The following HTR3A variants were observed in gnomAD, a reference collection of about 807,000 sequenced individuals.
HTR3A encodes the protein 5-hydroxytryptamine (serotonin) receptor 3A, ionotropic.
Under a neutral mutation model 54.8 loss-of-function variants are expected in HTR3A, and 45 were observed. That is an observed-to-expected ratio of 0.82 (90% CI 0.65 to 1.05). The LOEUF (loss-of-function observed/expected upper bound fraction) is 1.05. Ranked by LOEUF, HTR3A falls within the 50% of genes least tolerant of loss-of-function variation. The pLI, the probability that HTR3A is intolerant of heterozygous loss-of-function variation, is 0.00. For missense variants in HTR3A, 657 were observed against 614.0 expected (o/e 1.07, Z -0.74); for synonymous variants, 297 against 256.0 (o/e 1.16, Z -1.53).
intron 5 of HTR3A, 116 bp from the exon 6 acceptor site, chr11:113,985,899 T>A: frequency 9.5e-7 from 1 of 1,053,330 alleles, no homozygotes; most frequent in Non-Finnish European, 1.5e-6. Context: ...GAGGTTGAGG[T>A]TGGGCCATCG....
intron 5 of HTR3A, 45 bp from the exon 6 acceptor site, chr11:113,985,970 T>C (rs753017133): frequency 6.2e-7 from 1 of 1,611,226 alleles, no homozygotes; most frequent in Non-Finnish European, 8.5e-7. Context: ...TCCAGCAGGC[T>C]CTGGGTACTA....
rs1469950775 is a variant in HTR3A at position 113,975,341 on chromosome 11, C to T, written c.16C>T (p.Gln6Ter). The T allele has an allele frequency of 1.9e-6, 3 of 1,613,514 alleles. No individual in the cohort carries two copies. The highest frequency in any genetic ancestry group is 1.3e-5 in the African/African-American group (1 of 75,060). The change falls in exon 1 of 9, where the codon CAG becomes TAG. Residue 6 changes from glutamine to a stop codon, truncating the protein, a stop_gained. Transcript: ENST00000504030. LOFTEE classifies it high-confidence loss of function. MLLWV[Q>*]QALLALLLPT... ...AAAGCTCGCTATGCTGCTGTGGGTC[C>T]AGCAGGCGCTGCTCGCCTTGCTCCT... is the stretch of plus-strand genomic sequence containing the variant.
Position 113,977,829 on chromosome 11 carries a change from G to A in HTR3A, c.126G>A (p.Leu42=). Residue 42 remains leucine (L), a synonymous_variant, in exon 2 of 9, where the codon TTG becomes TTA. Coordinates refer to ENST00000504030, the MANE Select transcript of HTR3A (RefSeq NM_000869.6). The part of the protein sequence containing the change: ...PALLRLSDYL[L]TNYRKGVRPV... The stretch of plus-strand genomic sequence containing the variant: ...TGCTGAGGCTGTCGGATTACCTTTT[G>A]ACCAACTACAGGAAGGGTGTGCGCC... 1 of 1,614,046 alleles carries A rather than the reference G, an allele frequency of 6.2e-7. No individual in the cohort carries two copies. Among genetic ancestry groups the A allele is most frequent in the East Asian group, 2.2e-5 (1 of 44,894 alleles).
chr11:113,981,450 G>A, intron 4 of HTR3A, 138 bp downstream of exon 4: 2 of 701,558 alleles, frequency 2.9e-6, no homozygotes, highest in Non-Finnish European at 5.3e-6. Flanking sequence ...GCTGGTGTGA[G>A]TCCAAATTCC....
chr11:113,989,682 G>A lies in HTR3A; in HGVS notation c.1356G>A (p.Leu452=). The A allele has an allele frequency of 1.9e-6, 3 of 1,614,170 alleles. No individual in the cohort carries two copies. The highest frequency in any genetic ancestry group is 2.5e-6 in the Non-Finnish European group (3 of 1,180,048). ...WLRVGSVLDK[L]LFHIYLLAVL... The stretch of plus-strand genomic sequence containing the variant: ...GCGTGGGCTCCGTGCTGGACAAGCT[G>A]CTATTCCACATTTACCTGCTAGCGG... The change falls in exon 9 of 9, where the codon CTG becomes CTA. Residue 452 remains leucine, a synonymous_variant. Coordinates refer to ENST00000504030, the MANE Select transcript of HTR3A (RefSeq NM_000869.6). This position sits in a 1 kb window ranked among gnomAD's most constrained non-coding sequence, Gnocchi z 4.4.
chr11:113,990,004 T>C lies in HTR3A; in HGVS notation c.*241T>C. On this transcript the variant is annotated 3_prime_UTR_variant, in exon 9 of 9. Coordinates refer to ENST00000504030, the MANE Select transcript of HTR3A (RefSeq NM_000869.6). Reference sequence around the variant, plus strand: ...TTGTCCCACCCCCAGCAGCTCACCATGGCTTTAAAACATGCTGTCTTAGAT... The same window carrying C: ...TTGTCCCACCCCCAGCAGCTCACCACGGCTTTAAAACATGCTGTCTTAGAT... 2 of 674,336 alleles carry C rather than the reference T, an allele frequency of 3.0e-6. No homozygotes were observed. The highest frequency in any genetic ancestry group is 5.4e-6 in the Non-Finnish European group (2 of 369,122). 41.8% of individuals were successfully genotyped at this position (674,336 alleles called of 1,614,324 possible).
chr11:113,981,000 T>G, intron 3 of HTR3A: 1 of 582,734 alleles, frequency 1.7e-6, no homozygotes, highest in Non-Finnish European at 3.1e-6. Flanking sequence ...AGCCGAGTTG[T>G]TATGTGTGGA....
In HTR3A at chr11:113,989,408, T is replaced by C. The variant is rs1950525366; in HGVS notation, c.1139-57T>C. ...CAGGCTATAGAAGCATAAGGAACCA[T>C]GTTCAGGTCACCACCCGGGGTCTCC... On this transcript the variant is annotated intron_variant, in intron 8 of 8. Transcript: ENST00000504030. The surrounding 1 kb of genome is among the most constrained non-coding windows in gnomAD (Gnocchi z 4.4). 6 of 1,591,508 alleles carry C rather than the reference T, an allele frequency of 3.8e-6. No individual in the cohort carries two copies. The highest frequency in any genetic ancestry group is 1.1e-5 in the South Asian group (1 of 90,600).
At chr11:113,979,345 T>A (rs1950393756) in intron 3 of HTR3A, 68 bp downstream of exon 3, 1 of 1,287,094 alleles carries the variant, frequency 7.8e-7, no homozygotes. Flanking sequence ...AATTCGGGAG[T>A]TTCAGTGGCC....
chr11:113,986,206 G>A, intron 6 of HTR3A, 31 bp downstream of exon 6: 1 of 1,613,358 alleles, frequency 6.2e-7, no homozygotes. Context: ...GTAAAATGGT[G>A]AATAAAGCTT....
intron 3 of HTR3A, 161 bp from the exon 4 acceptor site, chr11:113,981,042 C>T: frequency 1.5e-6 from 1 of 653,374 alleles, no homozygotes; most frequent in Non-Finnish European, 2.8e-6. Context: ...TGGGGGGACT[C>T]TCAGTTACTG....
intron 2 of HTR3A, 132 bp downstream of exon 2, chr11:113,978,054 C>T: frequency 9.4e-7 from 1 of 1,061,970 alleles, no homozygotes; most frequent in Non-Finnish European, 1.4e-6. Context: ...GGCACCACAG[C>T]TCAGGATGGA....
Position 113,975,960 on chromosome 11 carries a change from C to G in HTR3A, c.67+568C>G, listed in dbSNP as rs571340744. 3.9e-5 allele frequency among the ~76,000 whole-genome samples: 6 copies of G among 152,228 alleles called. No individual in the cohort carries two copies. The East Asian group carries it at 1.2e-3, about 29-fold the overall frequency. ...CCTTTCCAGGACTAAACTCCAGTAA[C>G]GCCCAATTTCTCTCCACATTCGCTA... On this transcript the variant is annotated intron_variant, in intron 1 of 8. Coordinates refer to ENST00000504030, the MANE Select transcript of HTR3A (RefSeq NM_000869.6).
intron 3 of HTR3A, among the ~76,000 whole-genome samples, chr11:113,980,762 T>C (rs1274025104): frequency 1.3e-5 from 2 of 152,190 alleles, no homozygotes; most frequent in Non-Finnish European, 2.9e-5. Context: ...GGGAGTGACA[T>C]GATCGAATTT....
At chr11:113,977,446 G>A in intron 1 of HTR3A, 1 of 1,112,648 alleles carries the variant, frequency 9.0e-7, no homozygotes, top group Non-Finnish European at 1.2e-6. Context: ...CCTCGCTTAG[G>A]CCCCGTGGGC....
chr11:113,989,621 G>A lies in HTR3A; in HGVS notation c.1295G>A (p.Arg432Gln), dbSNP rs138725170. ...LSSIRQFLEKRDEIREVARDW... is the reference protein window; with the variant it reads ...LSSIRQFLEKQDEIREVARDW... ...TCCATCCGGCAATTCCTGGAAAAGC[G>A]GGATGAGATCCGAGAGGTGGCCCGA... Residue 432 changes from arginine (R) to glutamine (Q), a missense_variant, in exon 9 of 9, where the codon CGG becomes CAG. Coordinates refer to ENST00000504030, the MANE Select transcript of HTR3A (RefSeq NM_000869.6). The surrounding 1 kb of genome is among the most constrained non-coding windows in gnomAD (Gnocchi z 4.4). 31 of 1,614,090 alleles carry A rather than the reference G, an allele frequency of 1.9e-5. No individual in the cohort carries two copies. Among genetic ancestry groups the A allele is most frequent in the African/African-American group, 4.0e-5 (3 of 74,934 alleles).
chr11:113,989,464 G>A lies in HTR3A; in HGVS notation c.1139-1G>A, dbSNP rs1950526105. 1 of 1,613,904 alleles carries A rather than the reference G, an allele frequency of 6.2e-7. No individual in the cohort carries two copies. The highest frequency in any genetic ancestry group is 1.3e-5 in the African/African-American group (1 of 74,916). On this transcript the variant is annotated splice_acceptor_variant, in intron 8 of 8. Coordinates refer to ENST00000504030, the MANE Select transcript of HTR3A (RefSeq NM_000869.6). LOFTEE classifies it high-confidence loss of function. The surrounding 1 kb of genome is among the most constrained non-coding windows in gnomAD (Gnocchi z 4.4). ...TTGCCAATGCCCTGCCCTTCTTCCA[G>A]CCATGGGAAACCACTGCAGCCACAT...
chr11:113,982,557 C>T (rs141540434), intron 4 of HTR3A, among the ~76,000 whole-genome samples: 1 of 152,364 alleles, frequency 6.6e-6, no homozygotes, highest in East Asian at 1.9e-4. Flanking sequence ...ACTTTGACAT[C>T]AGCTGAGAGA....
At chr11:113,980,186 G>A (rs1950405011) in intron 3 of HTR3A, among the ~76,000 whole-genome samples, 1 of 152,226 alleles carries the variant, frequency 6.6e-6, no homozygotes, top group Non-Finnish European at 1.5e-5. Context: ...ATCCGTCTGA[G>A]CTCTCACCTC....
Sources: gnomAD v4.1 joint callset for allele counts (sites outside exome capture counted in the v4.1 genomes callset) on GRCh38, gnomAD v4.1.1 for gene constraint, Gnocchi (gnomAD v3.1) non-coding constraint, MANE v1.5 for transcripts, NCBI Gene and HGNC (gene_info 2026-07-23, HGNC 2026-07-21) for gene names.